TMEM163: variants seen among roughly 807,000 people sequenced by gnomAD.
TMEM163 encodes the protein transmembrane protein 163.
A neutral mutation model predicts 29.3 loss-of-function variants in TMEM163; 17 were observed. That is an observed-to-expected ratio of 0.58 (90% CI 0.40 to 0.87). The LOEUF is 0.87. Ranked by LOEUF, TMEM163 falls within the 40% of genes least tolerant of loss-of-function variation. TMEM163 has a pLI of 0.00. For synonymous variants in TMEM163, 157 were observed against 160.6 expected (o/e 0.98, Z 0.17); for missense variants, 303 against 381.5 (o/e 0.79, Z 1.71).
At chr2:134,712,976 G>A (rs1423290066) in intron 2 of TMEM163, among the ~76,000 whole-genome samples, 1 of 152,006 alleles carries the variant, frequency 6.6e-6, no homozygotes, top group Admixed American at 6.6e-5. Context: ...ATACTGATGA[G>A]AGCCAAGGCT....
At chr2:134,555,331 T>C (rs868231342) in intron 2 of TMEM163, among the ~76,000 whole-genome samples, 2 of 152,220 alleles carry the variant, frequency 1.3e-5, no homozygotes, top group Admixed American at 6.5e-5. Flanking sequence ...AAGAATGAGG[T>C]TGGCTTGGAG....
At chr2:134,496,735 A>G (rs1679572210) in intron 5 of TMEM163, among the ~76,000 whole-genome samples, 1 of 152,224 alleles carries the variant, frequency 6.6e-6, no homozygotes, top group Non-Finnish European at 1.5e-5. Flanking sequence ...GGGGAACCTT[A>G]CTAATTAAGA....
At chr2:134,614,626 G>C (rs536713972) in intron 2 of TMEM163, among the ~76,000 whole-genome samples, 1 of 152,268 alleles carries the variant, frequency 6.6e-6, no homozygotes, top group South Asian at 2.1e-4. Flanking sequence ...GGCTGCAGTG[G>C]GTGGATCACT....
intron 5 of TMEM163, among the ~76,000 whole-genome samples, chr2:134,494,639 T>G (rs1465523712): frequency 6.6e-6 from 1 of 152,264 alleles, no homozygotes; most frequent in Non-Finnish European, 1.5e-5. Flanking sequence ...AGCCATCATG[T>G]AAGCCAACAT....
chr2:134,482,329 G>C (rs147370445), intron 5 of TMEM163, among the ~76,000 whole-genome samples: 1 of 152,164 alleles, frequency 6.6e-6, no homozygotes, highest in East Asian at 1.9e-4. Flanking sequence ...CCCAGGTCAC[G>C]ATGAACTGTG....
At chr2:134,586,183 T>C (rs942004709) in intron 2 of TMEM163, among the ~76,000 whole-genome samples, 5 of 152,248 alleles carry the variant, frequency 3.3e-5, no homozygotes, top group African/African-American at 7.2e-5. Context: ...TTTTCTTTAG[T>C]GATTCCTTAA....
intron 1 of TMEM163, 149 bp from the exon 2 acceptor site, chr2:134,713,468 G>T (rs1684972498): frequency 2.6e-6 from 3 of 1,139,080 alleles, no homozygotes; most frequent in Non-Finnish European, 3.9e-6. Context: ...TTAACAATTA[G>T]ATTTCACATG....
chr2:134,633,966 C>CATATAG (rs1683036660), intron 2 of TMEM163, among the ~76,000 whole-genome samples: 1 of 37,882 alleles, frequency 2.6e-5, no homozygotes. Flanking sequence ...AAAAAAAATA[C>CATATAG]ATATATATAT....
chr2:134,712,724 C>CA (rs1294097911), intron 2 of TMEM163, among the ~76,000 whole-genome samples: 1 of 152,170 alleles, frequency 6.6e-6, no homozygotes, highest in Admixed American at 6.5e-5. Context: ...GAAAACTTGA[C>CA]AGAAGACCCT....
Position 134,673,918 on chromosome 2 carries a change from G to A in TMEM163, c.322+39282C>T, listed in dbSNP as rs73958783. On this transcript the variant is annotated intron_variant, in intron 2 of 7. Coordinates refer to ENST00000281924, the MANE Select transcript of TMEM163 (RefSeq NM_030923.5). Reference sequence around the variant, plus strand: ...AAGTTTGTGGTCATTTGTCACAGCAGCAATAAGAAACTAATACAAATTACT... The same window carrying A: ...AAGTTTGTGGTCATTTGTCACAGCAACAATAAGAAACTAATACAAATTACT... Among the ~76,000 whole-genome samples the A allele has an allele frequency of 3.4e-3, 524 of 152,312 alleles. 1 individual carries two copies. Among genetic ancestry groups the A allele is most frequent in the African/African-American group, 0.012 (490 of 41,566 alleles).
intron 2 of TMEM163, among the ~76,000 whole-genome samples, chr2:134,677,947 G>A (rs1441116144): frequency 6.6e-6 from 1 of 152,184 alleles, no homozygotes; most frequent in East Asian, 1.9e-4. Context: ...CTGGCCAGGA[G>A]ACACCCCTCC....
intron 2 of TMEM163, among the ~76,000 whole-genome samples, chr2:134,571,224 A>G (rs766772056): frequency 2.0e-5 from 3 of 152,226 alleles, no homozygotes; most frequent in Non-Finnish European, 4.4e-5. Context: ...AATATGGAAA[A>G]TACACAGTGA....
At chr2:134,492,703 G>GTCT (rs1390238270) in intron 5 of TMEM163, among the ~76,000 whole-genome samples, 1 of 152,160 alleles carries the variant, frequency 6.6e-6, no homozygotes, top group Non-Finnish European at 1.5e-5. Flanking sequence ...CCACCGAGCA[G>GTCT]TCTTCCACTG....
intron 2 of TMEM163, among the ~76,000 whole-genome samples, chr2:134,636,389 T>C (rs575377660): frequency 1.2e-4 from 18 of 152,246 alleles, no homozygotes; most frequent in Non-Finnish European, 2.1e-4. Context: ...CGTAAACATG[T>C]ACAGCAGCTC....
At chr2:134,585,047 C>A (rs1055056292) in intron 2 of TMEM163, among the ~76,000 whole-genome samples, 3 of 152,218 alleles carry the variant, frequency 2.0e-5, no homozygotes, top group Admixed American at 2.0e-4. Context: ...AAACTGTGAG[C>A]TCTGCCTGCA....
chr2:134,505,177 C>T (rs1348521450), intron 4 of TMEM163, among the ~76,000 whole-genome samples: 1 of 150,504 alleles, frequency 6.6e-6, no homozygotes, highest in Non-Finnish European at 1.5e-5. Flanking sequence ...TTTCAGGTAA[C>T]TTCAGTCATC....
intron 2 of TMEM163, among the ~76,000 whole-genome samples, chr2:134,561,175 A>G (rs1681172359): frequency 1.3e-5 from 2 of 152,234 alleles, no homozygotes; most frequent in African/African-American, 2.4e-5. Flanking sequence ...CGCCAGAGCT[A>G]AAAGTAGCAG....
intron 2 of TMEM163, among the ~76,000 whole-genome samples, chr2:134,679,697 T>C (rs551136899): frequency 6.6e-6 from 1 of 152,288 alleles, no homozygotes; most frequent in African/African-American, 2.4e-5. Context: ...ACTAAACCCA[T>C]TCTACAAATG....
chr2:134,677,974 A>T (rs139260635), intron 2 of TMEM163, among the ~76,000 whole-genome samples: 198 of 152,266 alleles, frequency 1.3e-3, no homozygotes, highest in African/African-American at 4.6e-3. Flanking sequence ...CAGTAAGCCC[A>T]CCCGCAGCCA....
Sources: allele counts gnomAD v4.1 joint callset (sites outside exome capture counted in the v4.1 genomes callset), GRCh38; gene constraint gnomAD v4.1.1; transcripts MANE v1.5; gene names NCBI Gene and HGNC (gene_info 2026-07-23, HGNC 2026-07-21).